The following FRAS1 variants were observed in gnomAD, a reference collection of about 807,000 sequenced individuals.
FRAS1 encodes the protein extracellular matrix organizing protein FRAS1.
FRAS1 carries 290 observed loss-of-function variants against 435.2 expected under a neutral mutation model. That is an observed-to-expected ratio of 0.67 (90% CI 0.61 to 0.73). The LOEUF is 0.73. Among genes scored for constraint, FRAS1 ranks in the 30% least tolerant of loss-of-function variants. FRAS1 has a pLI of 0.00. For synonymous variants in FRAS1, 1,800 were observed against 1,851.0 expected, an observed-to-expected ratio of 0.97 and a Z score of 0.71; for missense variants, 4,860 against 5,001.5, an observed-to-expected ratio of 0.97 and a Z score of 0.85.
intron 2 of FRAS1, among the ~76,000 whole-genome samples, chr4:78,130,171 T>TG (rs1250598233): frequency 6.8e-6 from 1 of 146,670 alleles, no homozygotes; most frequent in Admixed American, 6.9e-5. Context: ...CATGTAATGC[T>TG]GGTTTTTTTG....
chr4:78,372,973 C>A, intron 24 of FRAS1, 115 bp downstream of exon 24: 1 of 1,215,834 alleles, frequency 8.2e-7, no homozygotes, highest in South Asian at 1.7e-5. Context: ...TACCCCATTT[C>A]TGGTTTCTTT....
chr4:78,204,749 T>A (rs556573890), intron 2 of FRAS1, among the ~76,000 whole-genome samples: 1 of 152,214 alleles, frequency 6.6e-6, no homozygotes, highest in Non-Finnish European at 1.5e-5. Flanking sequence ...TTCTTTAAAA[T>A]TCAAAATGTT....
intron 2 of FRAS1, among the ~76,000 whole-genome samples, chr4:78,160,427 A>C (rs1721089314): frequency 6.6e-6 from 1 of 152,190 alleles, no homozygotes; most frequent in South Asian, 2.1e-4. Context: ...ATTTCTCTTG[A>C]ATAGTGGGAA....
At chr4:78,080,113 A>G (rs949109231) in intron 2 of FRAS1, among the ~76,000 whole-genome samples, 12 of 152,138 alleles carry the variant, frequency 7.9e-5, no homozygotes, top group South Asian at 2.1e-4. Flanking sequence ...CTCACCTTGC[A>G]GCAAATCAGC....
At chr4:78,324,149 A>G (rs1310216849) in intron 18 of FRAS1, among the ~76,000 whole-genome samples, 1 of 152,198 alleles carries the variant, frequency 6.6e-6, no homozygotes, top group Admixed American at 6.6e-5. Flanking sequence ...TTCTCACTGC[A>G]TGCATTATAC....
chr4:78,391,989 T>TG (rs35014558), intron 29 of FRAS1, among the ~76,000 whole-genome samples: 1 of 152,048 alleles, frequency 6.6e-6, no homozygotes, highest in South Asian at 2.1e-4. Flanking sequence ...TTTCACCTTT[T>TG]GGGGGGGTTT....
intron 70 of FRAS1, among the ~76,000 whole-genome samples, chr4:78,527,310 T>G (rs1721566058): frequency 7.2e-6 from 1 of 139,712 alleles, no homozygotes; most frequent in Non-Finnish European, 1.5e-5. Flanking sequence ...GACTGTATTG[T>G]GCTGTATATT....
rs77037702 is a variant in FRAS1, at chr4:78,255,400, A to C, written c.603+25A>C. 1.3e-5 allele frequency: 20 copies of C among 1,571,294 alleles called. No homozygotes were observed. The African/African-American group carries it at 2.3e-4, about 18-fold the overall frequency. ...GGTAAGGAAGACAACCTCAGCATGC[A>C]GCCTTCACGGGCTATTGAAGAACTT... On this transcript the variant is annotated intron_variant, in intron 6 of 73. Coordinates refer to ENST00000512123, the MANE Select transcript of FRAS1 (RefSeq NM_025074.7).
chr4:78,502,387 T>C (rs1720713017), intron 61 of FRAS1, among the ~76,000 whole-genome samples: 2 of 152,226 alleles, frequency 1.3e-5, no homozygotes, highest in South Asian at 4.1e-4. Context: ...TGTCCTCCTT[T>C]ATTTCATTAA....
chr4:78,464,333 T>G, intron 48 of FRAS1, 110 bp from the exon 49 acceptor site: 1 of 1,488,040 alleles, frequency 6.7e-7, no homozygotes, highest in Non-Finnish European at 9.2e-7. Flanking sequence ...CTCCTAATTA[T>G]TGACTTGTGC....
chr4:78,495,507 C>G (rs892855932), intron 59 of FRAS1, among the ~76,000 whole-genome samples: 2 of 152,050 alleles, frequency 1.3e-5, no homozygotes, highest in Non-Finnish European at 2.9e-5. Context: ...AAAAGCCTGT[C>G]TTAGTTATAT....
intron 24 of FRAS1, among the ~76,000 whole-genome samples, chr4:78,373,828 A>T (rs1278870265): frequency 1.3e-5 from 2 of 152,140 alleles, no homozygotes; most frequent in African/African-American, 4.8e-5. Flanking sequence ...CATTCACTTT[A>T]TAGTTTATCT....
Position 78,421,907 on chromosome 4 carries a change from T to C in FRAS1, c.4585T>C (p.Phe1529Leu), listed in dbSNP as rs1733803596. 7.4e-6 allele frequency: 12 copies of C among 1,613,734 alleles called. No individual in the cohort carries two copies. Among genetic ancestry groups the C allele is most frequent in the Non-Finnish European group, 1.0e-5 (12 of 1,179,834 alleles). ...RDHPHSPIRYFTQEDINQGKV... is the reference protein window; with the variant it reads ...RDHPHSPIRYLTQEDINQGKV... ...CCACCCTCACTCTCCTATCCGGTAT[T>C]TCACGCAAGAGGATATTAACCAGGG... is the stretch of plus-strand genomic sequence containing the variant. Residue 1529 changes from phenylalanine (F) to leucine (L), a missense_variant, in exon 34 of 74, where the codon TTC (phenylalanine) becomes CTC (leucine). Phe to Leu is a conservative substitution (Grantham distance 22). Transcript: ENST00000512123.
chr4:78,148,462 G>A (rs1049484841), intron 2 of FRAS1, among the ~76,000 whole-genome samples: 7 of 152,146 alleles, frequency 4.6e-5, no homozygotes, highest in African/African-American at 7.2e-5. Context: ...TGGCAACTTA[G>A]GGTAGGGAAG....
chr4:78,126,642 A>G (rs143405938), intron 2 of FRAS1, among the ~76,000 whole-genome samples: 3 of 152,384 alleles, frequency 2.0e-5, no homozygotes, highest in Non-Finnish European at 4.4e-5. Flanking sequence ...GTGCTAGACC[A>G]GCCCATGCTC....
At chr4:78,422,085 C>A in intron 34 of FRAS1, 85 bp downstream of exon 34, 1 of 1,356,614 alleles carries the variant, frequency 7.4e-7, no homozygotes, top group Non-Finnish European at 9.8e-7. Context: ...CCCTGCAGTC[C>A]TCTGGACCAT....
At chr4:78,301,622 T>C (rs1728400316) in intron 14 of FRAS1, among the ~76,000 whole-genome samples, 1 of 152,172 alleles carries the variant, frequency 6.6e-6, no homozygotes, top group South Asian at 2.1e-4. Flanking sequence ...CAGCTGATTC[T>C]GATGGTGCTG....
At chr4:78,140,293 TCTAA>T (rs975601705) in intron 2 of FRAS1, among the ~76,000 whole-genome samples, 22 of 152,304 alleles carry the variant, frequency 1.4e-4, no homozygotes, top group East Asian at 1.2e-3. Flanking sequence ...CATTCAAATT[TCTAA>T]CTGTCTGTTT....
At chr4:78,499,166 T>C (rs1720600878) in intron 60 of FRAS1, among the ~76,000 whole-genome samples, 2 of 152,150 alleles carry the variant, frequency 1.3e-5, no homozygotes, top group South Asian at 4.1e-4. Flanking sequence ...CTTACCTATA[T>C]AGCTTGTAGG....
Sources: gnomAD v4.1 joint callset for allele counts (sites outside exome capture counted in the v4.1 genomes callset) on GRCh38, gnomAD v4.1.1 for gene constraint, MANE v1.5 for transcripts, NCBI Gene and HGNC (gene_info 2026-07-23, HGNC 2026-07-21) for gene names.